CNTLN: variants seen among roughly 807,000 people sequenced by gnomAD.
The protein encoded by CNTLN is centlein, also known as centlein, centrosomal protein.
A neutral mutation model predicts 180.0 loss-of-function variants in CNTLN; 212 were observed. The ratio of observed to expected loss-of-function variants is 1.18; its 90% CI spans 1.05 to 1.32. The LOEUF (loss-of-function observed/expected upper bound fraction) is 1.32. CNTLN is among the 40% of genes most tolerant of loss of function. The pLI is 0.00. For missense variants in CNTLN, 2,095 were observed against 1,610.9 expected, an observed-to-expected ratio of 1.30 and a Z score of -5.14; for synonymous variants, 722 against 563.1, an observed-to-expected ratio of 1.28 and a Z score of -3.99.
At chr9:17,426,146 G>A (rs1332868667) in intron 18 of CNTLN, among the ~76,000 whole-genome samples, 2 of 152,136 alleles carry the variant, frequency 1.3e-5, no homozygotes, top group Non-Finnish European at 2.9e-5. Context: ...TGAAGAAATA[G>A]ACAATGAAGG....
intron 8 of CNTLN, among the ~76,000 whole-genome samples, chr9:17,310,582 A>G (rs1819062940): frequency 6.6e-6 from 1 of 152,140 alleles, no homozygotes; most frequent in Admixed American, 6.5e-5. Context: ...TGTGGGTTAT[A>G]TATCTAGGAG....
intron 18 of CNTLN, among the ~76,000 whole-genome samples, chr9:17,435,275 A>T (rs1484531015): frequency 1.3e-5 from 2 of 152,186 alleles, no homozygotes; most frequent in Admixed American, 6.5e-5. Context: ...AGAGGCACTC[A>T]TTCTGGTCTC....
chr9:17,417,332 T>C (rs913814280), intron 18 of CNTLN, among the ~76,000 whole-genome samples: 1 of 152,156 alleles, frequency 6.6e-6, no homozygotes, highest in African/African-American at 2.4e-5. Flanking sequence ...TCTCCTACGC[T>C]TCCTTTCTTT....
the CNTLN span, among the ~76,000 whole-genome samples, chr9:17,521,265 AAGAGAG>A: frequency 4.2e-4 from 50 of 118,608 alleles, no homozygotes; most frequent in South Asian, 1.4e-3. Context: ...AAGGGAGAAA[AAGAGAG>A]AGAGAGAGAG....
At chr9:17,159,707 C>A (rs893096478) in intron 2 of CNTLN, among the ~76,000 whole-genome samples, 3 of 151,804 alleles carry the variant, frequency 2.0e-5, no homozygotes, top group African/African-American at 7.3e-5. Context: ...GTGTTCTTGG[C>A]TGCAGCTGTC....
chr9:17,274,978 CTCA>C (rs1828217144), intron 6 of CNTLN, among the ~76,000 whole-genome samples: 1 of 152,016 alleles, frequency 6.6e-6, no homozygotes, highest in African/African-American at 2.4e-5. Context: ...TAAAAACTTT[CTCA>C]TCATAAGGGT....
At chr9:17,369,245 T>C (rs1307301587) in intron 13 of CNTLN, among the ~76,000 whole-genome samples, 1 of 152,052 alleles carries the variant, frequency 6.6e-6, no homozygotes, top group Non-Finnish European at 1.5e-5. Flanking sequence ...GTGAAGAAGG[T>C]GCCTTGCTTC....
chr9:17,146,754 G>C (rs1011878229), intron 2 of CNTLN, among the ~76,000 whole-genome samples: 1 of 151,862 alleles, frequency 6.6e-6, no homozygotes, highest in Non-Finnish European at 1.5e-5. Context: ...TTGATTATTT[G>C]AATTTTAAAA....
At chr9:17,329,309 A>C (rs1320957710) in intron 8 of CNTLN, among the ~76,000 whole-genome samples, 2 of 152,142 alleles carry the variant, frequency 1.3e-5, no homozygotes, top group African/African-American at 4.8e-5. Flanking sequence ...TCTAAACCTC[A>C]GAAGTTTGAC....
Position 17,394,682 on chromosome 9 carries a change from T to C in CNTLN, c.2228T>C (p.Leu743Pro). Residue 743 changes from leucine (L) to proline (P), a missense_variant, in exon 15 of 26, where the codon CTA becomes CCA. Physicochemically the swap from Leu to Pro is moderately conservative, Grantham distance 98 (BLOSUM62 -3). Coordinates refer to ENST00000380647, the MANE Select transcript of CNTLN (RefSeq NM_017738.4). ...GATACAGAGACCAGAGAAAAAGAGC[T>C]AGAACAGATAATAAAGGGGAGTAAA... ...QEDTETREKE[L>P]EQIIKGSKDV... The C allele has an allele frequency of 1.2e-6, 2 of 1,613,652 alleles. No homozygotes were observed. The highest frequency in any genetic ancestry group is 8.5e-7 in the Non-Finnish European group (1 of 1,179,792).
intron 2 of CNTLN, among the ~76,000 whole-genome samples, chr9:17,188,031 T>TAC (rs1554650929): frequency 7.9e-5 from 11 of 139,360 alleles, no homozygotes; most frequent in South Asian, 2.3e-4. Flanking sequence ...TATATATATA[T>TAC]ACACAGCATA....
chr9:17,326,512 T>A (rs1014792424), intron 8 of CNTLN, among the ~76,000 whole-genome samples: 8 of 152,068 alleles, frequency 5.3e-5, no homozygotes, highest in Admixed American at 5.2e-4. Context: ...ATATCATATA[T>A]TTTATTACTT....
intron 2 of CNTLN, among the ~76,000 whole-genome samples, chr9:17,193,771 G>GT (rs947257940): frequency 1.2e-3 from 177 of 152,312 alleles, no homozygotes; most frequent in African/African-American, 4.1e-3. Context: ...TAGGTGCTCT[G>GT]TATGGGGGCT....
At chr9:17,443,440 A>C (rs569377407) in intron 18 of CNTLN, among the ~76,000 whole-genome samples, 35 of 152,332 alleles carry the variant, frequency 2.3e-4, no homozygotes, top group African/African-American at 7.5e-4. Flanking sequence ...AAGTTGTATT[A>C]CAATTTCAGG....
intron 6 of CNTLN, among the ~76,000 whole-genome samples, chr9:17,289,793 G>C (rs1829240314): frequency 7.0e-6 from 1 of 142,688 alleles, no homozygotes; most frequent in East Asian, 2.0e-4. Context: ...TCTTCCAGTT[G>C]ATCGCATGGG....
At chr9:17,313,218 C>T (rs1018078999) in intron 8 of CNTLN, among the ~76,000 whole-genome samples, 1 of 152,002 alleles carries the variant, frequency 6.6e-6, no homozygotes, top group Non-Finnish European at 1.5e-5. Flanking sequence ...ATATTTAAAG[C>T]GTATATATTC....
chr9:17,521,306 A>G, the CNTLN span, among the ~76,000 whole-genome samples: 9 of 143,942 alleles, frequency 6.3e-5, no homozygotes, highest in Non-Finnish European at 1.2e-4. Flanking sequence ...GAAATGGAAC[A>G]TAAAGAATGG....
chr9:17,300,096 T>C (rs1345310774), intron 7 of CNTLN: 1 of 152,212 alleles, frequency 6.6e-6, no homozygotes, highest in African/African-American at 2.4e-5. Context: ...TTATCTGAAG[T>C]GCTTGGAACC....
intron 2 of CNTLN, among the ~76,000 whole-genome samples, chr9:17,177,408 C>CAA (rs879738419): frequency 6.9e-6 from 1 of 144,878 alleles, no homozygotes; most frequent in African/African-American, 2.5e-5. Context: ...GACTCTGTCT[C>CAA]AAAAAAAAAA....
Sources: gnomAD v4.1 joint callset for allele counts (sites outside exome capture counted in the v4.1 genomes callset) on GRCh38, gnomAD v4.1.1 for gene constraint, MANE v1.5 for transcripts, NCBI Gene and HGNC (gene_info 2026-07-23, HGNC 2026-07-21) for gene names.